CSMD1: variants seen among roughly 807,000 people sequenced by gnomAD.
CSMD1 encodes CUB and Sushi multiple domains 1.
CSMD1 carries 213 observed loss-of-function variants against 417.5 expected under a neutral mutation model. That is an observed-to-expected ratio of 0.51 (90% CI 0.46 to 0.57). CSMD1 has a LOEUF of 0.57. CSMD1 is among the 20% of genes least tolerant of loss of function. The pLI, the probability that CSMD1 is intolerant of heterozygous loss-of-function variation, is 0.00. For missense variants in CSMD1, 6,923 were observed against 4,529.7 expected (o/e 1.53, Z -15.17); for synonymous variants, 2,862 against 1,736.8 (o/e 1.65, Z -16.11).
intron 5 of CSMD1, among the ~76,000 whole-genome samples, chr8:3,815,606 G>C (rs778851849): frequency 1.4e-5 from 2 of 145,678 alleles, no homozygotes; most frequent in Non-Finnish European, 3.0e-5. Context: ...ACTTAAAAAT[G>C]TCTATCACTG....
chr8:3,751,320 GTGTGTGTA>G (rs1349748275), intron 6 of CSMD1, among the ~76,000 whole-genome samples: 2 of 146,046 alleles, frequency 1.4e-5, no homozygotes, highest in Non-Finnish European at 3.0e-5. Context: ...GTGTGTGTGT[GTGTGTGTA>G]TATATATATA....
intron 8 of CSMD1, among the ~76,000 whole-genome samples, chr8:3,612,440 C>G (rs773268111): frequency 3.3e-5 from 5 of 152,126 alleles, no homozygotes; most frequent in Non-Finnish European, 7.4e-5. Context: ...TTGAACAACA[C>G]TGTCAACCAA....
intron 1 of CSMD1, among the ~76,000 whole-genome samples, chr8:4,861,777 A>G (rs1314529969): frequency 6.6e-6 from 1 of 152,058 alleles, no homozygotes; most frequent in African/African-American, 2.4e-5. Context: ...CTAAGATATA[A>G]AGCTCTAAAT....
At chr8:3,822,649 G>A (rs942321451) in intron 5 of CSMD1, among the ~76,000 whole-genome samples, 5 of 152,038 alleles carry the variant, frequency 3.3e-5, no homozygotes, top group Non-Finnish European at 7.3e-5. Flanking sequence ...ATTACATTCC[G>A]TCTTCATTTA....
chr8:4,474,563 G>C (rs1235389801), intron 2 of CSMD1, among the ~76,000 whole-genome samples: 2 of 152,308 alleles, frequency 1.3e-5, no homozygotes, highest in South Asian at 2.1e-4. Flanking sequence ...TTGAGAGTGA[G>C]AGCTCTAAAG....
chr8:3,714,561 C>CCAAAAAAAAAAAAAA (rs1554519550), intron 6 of CSMD1, among the ~76,000 whole-genome samples: 1 of 70,554 alleles, frequency 1.4e-5, no homozygotes, highest in Admixed American at 2.3e-4. Context: ...ATCTCTATCC[C>CCAAAAAAAAAAAAAA]AAAAAAAAAA....
rs34791623 is a variant in CSMD1, at chr8:4,510,390, T to TAAAAAAAAAAAAAAAAAAAAAA, written c.303-90347_303-90326dup. ...GTAGACAATTAAAAAGCATAATGCCTAAAAAAAAAAAAAAAAAAAAAAAAA... is the reference window on the plus strand; with the variant it reads ...GTAGACAATTAAAAAGCATAATGCCTAAAAAAAAAAAAAAAAAAAAAAAAAAAAAAAAAAAAAAAAAAAAAAA... On this transcript the variant is annotated intron_variant, in intron 2 of 69. Coordinates refer to ENST00000635120, the MANE Select transcript of CSMD1 (RefSeq NM_033225.6). Among the ~76,000 whole-genome samples, 15 of 54,640 alleles carry TAAAAAAAAAAAAAAAAAAAAAA rather than the reference T, an allele frequency of 2.7e-4. 1 individual carries two copies. Among genetic ancestry groups the TAAAAAAAAAAAAAAAAAAAAAA allele is most frequent in the East Asian group, 6.1e-4 (1 of 1,628 alleles). 35.8% of individuals were successfully genotyped at this position (54,640 alleles called of 152,430 possible).
chr8:4,933,255 A>G (rs1200652943), intron 1 of CSMD1, among the ~76,000 whole-genome samples: 2 of 152,104 alleles, frequency 1.3e-5, no homozygotes, highest in Non-Finnish European at 2.9e-5. Flanking sequence ...CGGCACTAGT[A>G]AATTTTAGAA....
At chr8:3,308,914 G>T (rs544883347) in intron 23 of CSMD1, among the ~76,000 whole-genome samples, 11 of 151,782 alleles carry the variant, frequency 7.2e-5, no homozygotes, top group African/African-American at 2.4e-4. Flanking sequence ...TAGTAGAGAC[G>T]GGGTTTCACT....
chr8:3,300,362 T>A (rs1176068183), intron 25 of CSMD1, among the ~76,000 whole-genome samples: 8 of 134,038 alleles, frequency 6.0e-5, no homozygotes, highest in Non-Finnish European at 1.3e-4. Flanking sequence ...CATTTAGGGG[T>A]TTTTTTTTCT....
In CSMD1 at chr8:3,219,252, T is replaced by C. The variant is rs1357470806; in HGVS notation, c.4672+3A>G. On this transcript the variant is annotated splice_donor_region_variant and intron_variant, in intron 29 of 69. Coordinates refer to ENST00000635120, the MANE Select transcript of CSMD1 (RefSeq NM_033225.6). Reference sequence around the variant, plus strand: ...CCCACTCAAATTCAGGCAATCGCAATACCTTTAAATTCAATGGCGAACCCT... The same window carrying C: ...CCCACTCAAATTCAGGCAATCGCAACACCTTTAAATTCAATGGCGAACCCT... 1 of 1,584,664 alleles carries C rather than the reference T, an allele frequency of 6.3e-7. No homozygotes were observed. Among genetic ancestry groups the C allele is most frequent in the Admixed American group, 1.8e-5 (1 of 56,078 alleles).
intron 20 of CSMD1, among the ~76,000 whole-genome samples, chr8:3,361,559 G>A (rs980422660): frequency 7.1e-6 from 1 of 141,778 alleles, no homozygotes; most frequent in Non-Finnish European, 1.5e-5. Context: ...GGCCGAGGCA[G>A]AAGAATCGCT....
At position 3,892,779 on chromosome 8, in the gene CSMD1, C is replaced by G. The variant is rs1339719015; in HGVS notation, c.818+105124G>C. On this transcript the variant is annotated intron_variant, in intron 5 of 69. Transcript: ENST00000635120. Reference sequence around the variant, plus strand: ...GAAGTTATTGCTAGCCATCGTAGGACAATTTGGACAGTCTTCTACGTGAAC... The same window carrying G: ...GAAGTTATTGCTAGCCATCGTAGGAGAATTTGGACAGTCTTCTACGTGAAC... Among the ~76,000 whole-genome samples the G allele has an allele frequency of 3.7e-5, 5 of 136,266 alleles. No individual in the cohort carries two copies. In the East Asian group the frequency reaches 1.1e-3, roughly 30 times the overall value. The allele number at this position is 136,266 out of a possible 152,430, so 89.4% of individuals were successfully genotyped here. A position where few individuals can be genotyped will look rare whatever the true frequency, so the allele number is the denominator to read the frequency against.
intron 2 of CSMD1, among the ~76,000 whole-genome samples, chr8:4,460,842 C>T (rs1157606086): frequency 6.6e-6 from 1 of 152,090 alleles, no homozygotes; most frequent in Non-Finnish European, 1.5e-5. Flanking sequence ...TTCTACCAAA[C>T]ATTGAGAGTA....
At chr8:4,205,508 C>T (rs1799925490) in intron 3 of CSMD1, among the ~76,000 whole-genome samples, 1 of 152,166 alleles carries the variant, frequency 6.6e-6, no homozygotes, top group Admixed American at 6.5e-5. Flanking sequence ...AGGTAACTAT[C>T]TTTATTTCAT....
chr8:3,268,680 CATT>C (rs1801616350), intron 26 of CSMD1, among the ~76,000 whole-genome samples: 1 of 152,090 alleles, frequency 6.6e-6, no homozygotes, highest in South Asian at 2.1e-4. Context: ...TTTTTAAAGA[CATT>C]GTGATAATCC....
chr8:4,442,829 G>C (rs942200133), intron 2 of CSMD1, among the ~76,000 whole-genome samples: 4 of 152,134 alleles, frequency 2.6e-5, no homozygotes, highest in Admixed American at 6.5e-5. Context: ...AAATATGTAA[G>C]TTGCCTTTAT....
intron 5 of CSMD1, among the ~76,000 whole-genome samples, chr8:3,838,234 C>T (rs1006745486): frequency 6.6e-6 from 1 of 151,976 alleles, no homozygotes; most frequent in Non-Finnish European, 1.5e-5. Flanking sequence ...ATAGTACAAC[C>T]TGCAGTCAGA....
chr8:3,895,237 C>T (rs929643679), intron 5 of CSMD1, among the ~76,000 whole-genome samples: 1 of 152,128 alleles, frequency 6.6e-6, no homozygotes, highest in African/African-American at 2.4e-5. Context: ...TTAAAATGAT[C>T]ACTGTGCTTA....
Sources: gnomAD v4.1 joint callset for allele counts (sites outside exome capture counted in the v4.1 genomes callset) on GRCh38, gnomAD v4.1.1 for gene constraint, MANE v1.5 for transcripts, NCBI Gene and HGNC (gene_info 2026-07-23, HGNC 2026-07-21) for gene names.